The following CADM1 variants were observed in gnomAD, a reference collection of about 807,000 sequenced individuals.
The protein encoded by CADM1 is cell adhesion molecule 1, also known as TSLC-1.
A neutral mutation model predicts 53.1 loss-of-function variants in CADM1; 15 were observed. The observed-to-expected ratio is 0.28, with a 90% CI of 0.19 to 0.44. The LOEUF (loss-of-function observed/expected upper bound fraction) is 0.44, where lower values mean the gene tolerates loss of function less well. Among genes scored for constraint, CADM1 ranks in the 20% least tolerant of loss-of-function variants. The pLI is 1.00. For synonymous variants in CADM1, 281 were observed against 243.0 expected, an observed-to-expected ratio of 1.16 and a Z score of -1.45; for missense variants, 434 against 611.3, an observed-to-expected ratio of 0.71 and a Z score of 3.06.
chr11:115,382,964 C>A (rs1339525736), intron 1 of CADM1, among the ~76,000 whole-genome samples: 1 of 152,166 alleles, frequency 6.6e-6, no homozygotes, highest in African/African-American at 2.4e-5. Flanking sequence ...TACATGTATT[C>A]CCAAGGAAAA....
Position 115,482,635 on chromosome 11 carries a change from C to T in CADM1, c.124+21636G>A, listed in dbSNP as rs1344686516. On this transcript the variant is annotated intron_variant, in intron 1 of 11. Transcript: ENST00000331581. The stretch of plus-strand genomic sequence containing the variant: ...TAGAGGTATTTATAAACGTGTTTCT[C>T]TTATAAGATGGTTAATTCTGTTTGG... 3.3e-5 allele frequency among the ~76,000 whole-genome samples: 5 copies of T among 152,136 alleles called. No homozygotes were observed. In the East Asian group the frequency reaches 9.6e-4, roughly 29 times the overall value.
intron 1 of CADM1, among the ~76,000 whole-genome samples, chr11:115,321,958 G>GAA (rs1944835469): frequency 6.6e-6 from 1 of 152,134 alleles, no homozygotes; most frequent in African/African-American, 2.4e-5. Context: ...CTGGCATCAT[G>GAA]CATCATCCAC....
At chr11:115,451,344 T>C (rs552192046) in intron 1 of CADM1, among the ~76,000 whole-genome samples, 3 of 152,344 alleles carry the variant, frequency 2.0e-5, no homozygotes, top group East Asian at 3.9e-4. Context: ...TCTGCATTGA[T>C]ACAGGTATGT....
chr11:115,425,509 A>C (rs1947867764), intron 1 of CADM1, among the ~76,000 whole-genome samples: 1 of 152,202 alleles, frequency 6.6e-6, no homozygotes, highest in Admixed American at 6.5e-5. Flanking sequence ...TCGTAACGAG[A>C]CATCTCTAGG....
chr11:115,302,625 T>C (rs1413399451), intron 1 of CADM1, among the ~76,000 whole-genome samples: 5 of 151,922 alleles, frequency 3.3e-5, no homozygotes, highest in African/African-American at 9.7e-5. Flanking sequence ...TTTTCTTACC[T>C]AAAAAAAGAA....
At chr11:115,280,413 T>C (rs939131121) in intron 1 of CADM1, among the ~76,000 whole-genome samples, 2 of 152,234 alleles carry the variant, frequency 1.3e-5, no homozygotes, top group African/African-American at 2.4e-5. Flanking sequence ...AAGCTTTTTA[T>C]GGCTTGCATC....
At chr11:115,327,471 C>T (rs1944988359) in intron 1 of CADM1, among the ~76,000 whole-genome samples, 1 of 152,114 alleles carries the variant, frequency 6.6e-6, no homozygotes, top group Admixed American at 6.5e-5. Flanking sequence ...AGGATTCATT[C>T]ATCCAGAAGA....
At chr11:115,358,987 A>C (rs1945955695) in intron 1 of CADM1, among the ~76,000 whole-genome samples, 1 of 152,240 alleles carries the variant, frequency 6.6e-6, no homozygotes, top group Non-Finnish European at 1.5e-5. Flanking sequence ...CATATCAAGC[A>C]AACAAAACCA....
chr11:115,346,968 A>G (rs1945595524), intron 1 of CADM1, among the ~76,000 whole-genome samples: 1 of 152,180 alleles, frequency 6.6e-6, no homozygotes, highest in Non-Finnish European at 1.5e-5. Flanking sequence ...AAAAAACCCT[A>G]TTGATTCATC....
intron 1 of CADM1, among the ~76,000 whole-genome samples, chr11:115,395,815 C>T (rs940933495): frequency 4.6e-5 from 7 of 152,116 alleles, no homozygotes; most frequent in African/African-American, 1.7e-4. Flanking sequence ...CTCACTGTAG[C>T]TAATTTCCTA....
At chr11:115,426,231 G>A (rs220865) in intron 1 of CADM1, among the ~76,000 whole-genome samples, 117,311 of 152,156 alleles carry the variant, frequency 0.77, 45,382 homozygotes, top group African/African-American at 0.82. Flanking sequence ...ATGTTATATC[G>A]CCTCTTGCCA....
rs550633417 is a variant in CADM1 at position 115,216,475 on chromosome 11, T to C, written c.821+1417A>G. 6.6e-5 allele frequency among the ~76,000 whole-genome samples: 10 copies of C among 152,338 alleles called. No individual in the cohort carries two copies. In the East Asian group the frequency reaches 1.9e-3, roughly 29 times the overall value. On this transcript the variant is annotated intron_variant, in intron 6 of 11. Coordinates refer to ENST00000331581, the MANE Select transcript of CADM1 (RefSeq NM_001301043.2). ...AAGCGGCAAGAGGCCTCTGAGAATTTTTTTTTCTTACTCCATTGGATTATT... is the reference window on the plus strand; with the variant it reads ...AAGCGGCAAGAGGCCTCTGAGAATTCTTTTTTCTTACTCCATTGGATTATT...
rs774927508 is a variant in CADM1 at position 115,214,559 on chromosome 11, G to C, written c.994+49C>G. 1.8e-5 allele frequency: 27 copies of C among 1,534,492 alleles called. No homozygotes were observed. In the East Asian group the frequency reaches 5.6e-4, roughly 32 times the overall value. On this transcript the variant is annotated intron_variant, in intron 7 of 11. Transcript: ENST00000331581. ...CTTTGAGAGTAAATCACAAGTAGCAGCTCCATGTGACTGACTCTAGTAGAA... is the reference window on the plus strand; with the variant it reads ...CTTTGAGAGTAAATCACAAGTAGCACCTCCATGTGACTGACTCTAGTAGAA...
At chr11:115,231,563 A>C (rs10891813) in intron 3 of CADM1, 73 bp from the exon 4 acceptor site, 79,299 of 1,377,156 alleles carry the variant, frequency 0.058, 2,749 homozygotes, top group Admixed American at 0.15. Context: ...AAGGAGAAAA[A>C]CAGTAGACAT....
intron 11 of CADM1, among the ~76,000 whole-genome samples, chr11:115,177,635 G>A (rs1939097213): frequency 6.6e-6 from 1 of 151,900 alleles, no homozygotes; most frequent in Admixed American, 6.6e-5. Context: ...CTGCTGCTCG[G>A]ATGCTGCCCT....
intron 1 of CADM1, among the ~76,000 whole-genome samples, chr11:115,274,522 G>A (rs1028046526): frequency 6.6e-6 from 1 of 152,192 alleles, no homozygotes; most frequent in African/African-American, 2.4e-5. Context: ...ATGGTCCAGG[G>A]TAATAATGCC....
chr11:115,294,987 C>G (rs4938197), intron 1 of CADM1, among the ~76,000 whole-genome samples: 17,190 of 152,016 alleles, frequency 0.11, 1,097 homozygotes, highest in South Asian at 0.27. Context: ...TGCAGTGAGC[C>G]GAGATCACGC....
intron 1 of CADM1, among the ~76,000 whole-genome samples, chr11:115,384,018 C>T (rs1225055194): frequency 6.6e-6 from 1 of 151,974 alleles, no homozygotes; most frequent in Non-Finnish European, 1.5e-5. Context: ...GGGTCACTGC[C>T]ACTAAATCGG....
At chr11:115,447,468 C>T (rs1948475845) in intron 1 of CADM1, among the ~76,000 whole-genome samples, 1 of 152,160 alleles carries the variant, frequency 6.6e-6, no homozygotes, top group African/African-American at 2.4e-5. Flanking sequence ...TCAAAATCAC[C>T]CTTTTTGTCT....
Sources: gnomAD v4.1 joint callset for allele counts (sites outside exome capture counted in the v4.1 genomes callset) on GRCh38, gnomAD v4.1.1 for gene constraint, MANE v1.5 for transcripts, NCBI Gene and HGNC (gene_info 2026-07-23, HGNC 2026-07-21) for gene names.